The following DBX2 variants were observed in gnomAD, a reference collection of about 807,000 sequenced individuals.
DBX2 encodes the protein developing brain homeobox 2.
A neutral mutation model predicts 17.7 loss-of-function variants in DBX2; 16 were observed. That is an observed-to-expected ratio of 0.90 (90% CI 0.61 to 1.37). The LOEUF is 1.37. Ranked by LOEUF, DBX2 falls within the 40% of genes most tolerant of loss-of-function variation. The pLI, the probability that DBX2 is intolerant of heterozygous loss-of-function variation, is 0.00. For missense variants in DBX2, 538 were observed against 433.8 expected, an observed-to-expected ratio of 1.24 and a Z score of -2.13; for synonymous variants, 255 against 183.8, an observed-to-expected ratio of 1.39 and a Z score of -3.13.
chr12:45,036,080 T>C lies in DBX2; in HGVS notation c.438A>G (p.Pro146=). ...ACCCACCGCAGCACGCCGAGTAGAA[T>C]GGCGGGGTGCTCAGAAGGAAAGGTT... The part of the protein sequence containing the change: ...PSKPFLLSTP[P]FYSACCGGSC... The change falls in exon 2 of 4, where the codon CCA becomes CCG. Residue 146 remains proline (P), a synonymous_variant. Coordinates refer to ENST00000332700, the MANE Select transcript of DBX2 (RefSeq NM_001004329.3). 6.2e-7 allele frequency: 1 copy of C among 1,613,650 alleles called. No individual in the cohort carries two copies. Among genetic ancestry groups the C allele is most frequent in the Non-Finnish European group, 8.5e-7 (1 of 1,179,860 alleles).
At chr12:45,042,401 G>A (rs577657959) in intron 1 of DBX2, among the ~76,000 whole-genome samples, 1 of 152,250 alleles carries the variant, frequency 6.6e-6, no homozygotes, top group Admixed American at 6.5e-5. Flanking sequence ...GTACTTGGAA[G>A]GGCAAAAGAA....
At chr12:45,048,414 G>C (rs1341977284) in intron 1 of DBX2, among the ~76,000 whole-genome samples, 1 of 152,126 alleles carries the variant, frequency 6.6e-6, no homozygotes, top group African/African-American at 2.4e-5. Flanking sequence ...CGAAAACAAA[G>C]CTTCTCCAAC....
intron 3 of DBX2, among the ~76,000 whole-genome samples, chr12:45,022,449 G>A (rs988393059): frequency 2.0e-5 from 3 of 151,698 alleles, no homozygotes; most frequent in Non-Finnish European, 4.4e-5. Context: ...GACTACAGGC[G>A]CCAGCCACCT....
intron 3 of DBX2, among the ~76,000 whole-genome samples, chr12:45,021,797 T>G (rs1946353556): frequency 7.2e-6 from 1 of 138,626 alleles, no homozygotes; most frequent in Non-Finnish European, 1.6e-5. Context: ...GAAAGATAAG[T>G]AACTTTGAGA....
intron 3 of DBX2, among the ~76,000 whole-genome samples, chr12:45,022,081 T>G (rs1237965142): frequency 6.6e-6 from 1 of 152,136 alleles, no homozygotes; most frequent in Non-Finnish European, 1.5e-5. Flanking sequence ...CCTATATTTG[T>G]TTCTGTTTTA....
intron 1 of DBX2, 79 bp downstream of exon 1, chr12:45,050,446 C>G: frequency 6.7e-7 from 1 of 1,499,946 alleles, no homozygotes; most frequent in Non-Finnish European, 8.9e-7. Context: ...CAGTGCGCAC[C>G]GCCGGCGCTC....
At chr12:45,035,451 A>G (rs1946434877) in intron 2 of DBX2, among the ~76,000 whole-genome samples, 1 of 151,916 alleles carries the variant, frequency 6.6e-6, no homozygotes, top group Non-Finnish European at 1.5e-5. Flanking sequence ...TGTCATTCTC[A>G]CTCCACCCCC....
At position 45,050,680 on chromosome 12, in the gene DBX2, A is replaced by G; in HGVS notation, c.248T>C (p.Leu83Pro). ...LRPLPASPVP[L>P]KLCPAAEQVS... ...TTGTTCGGCTGCGGGGCACAGCTTTAGGGGAACTGGGCTAGCAGGCAGGGG... is the reference window on the plus strand; with the variant it reads ...TTGTTCGGCTGCGGGGCACAGCTTTGGGGGAACTGGGCTAGCAGGCAGGGG... The change falls in exon 1 of 4, where the codon CTA becomes CCA. Residue 83 changes from leucine (L) to proline (P), a missense_variant. By Grantham distance (98) the Leu-to-Pro change is moderately conservative. Transcript: ENST00000332700. The G allele has an allele frequency of 6.5e-7, 1 of 1,545,076 alleles. No individual in the cohort carries two copies. The highest frequency in any genetic ancestry group is 8.7e-7 in the Non-Finnish European group (1 of 1,145,066).
intron 1 of DBX2, among the ~76,000 whole-genome samples, chr12:45,046,635 T>G (rs1261309168): frequency 6.6e-6 from 1 of 152,216 alleles, no homozygotes; most frequent in African/African-American, 2.4e-5. Flanking sequence ...GAGGCCATTT[T>G]ATTTCACACT....
At position 45,027,013 on chromosome 12, in the gene DBX2, G is replaced by A. The variant is rs1292260744; in HGVS notation, c.500-3119C>T. 3.9e-5 allele frequency among the ~76,000 whole-genome samples: 6 copies of A among 152,078 alleles called. No homozygotes were observed. In the South Asian group the frequency reaches 1.0e-3, roughly 26 times the overall value. On this transcript the variant is annotated intron_variant, in intron 2 of 3. Coordinates refer to ENST00000332700, the MANE Select transcript of DBX2 (RefSeq NM_001004329.3). Reference sequence around the variant, plus strand: ...GATTTAAGCAGTTTTATGAAATATTGGTCAATAATAAAAATATTCTGAATA... The same window carrying A: ...GATTTAAGCAGTTTTATGAAATATTAGTCAATAATAAAAATATTCTGAATA...
At chr12:45,039,277 G>GTATATATACATATA (rs1946457045) in intron 1 of DBX2, among the ~76,000 whole-genome samples, 6 of 90,300 alleles carry the variant, frequency 6.6e-5, no homozygotes, top group South Asian at 4.3e-4. Context: ...TGCATTGAAG[G>GTATATATACATATA]TATATATATA....
At chr12:45,031,221 T>TGAGAGAGA (rs775544316) in intron 2 of DBX2, among the ~76,000 whole-genome samples, 18 of 64,092 alleles carry the variant, frequency 2.8e-4, no homozygotes, top group Non-Finnish European at 5.1e-4. Flanking sequence ...TGTGTGTGTG[T>TGAGAGAGA]GTGTGAGAGA....
intron 2 of DBX2, among the ~76,000 whole-genome samples, chr12:45,029,790 G>C (rs908303396): frequency 1.3e-5 from 2 of 151,690 alleles, no homozygotes; most frequent in African/African-American, 4.8e-5. Flanking sequence ...CTTGAACCTG[G>C]GAGGCACAGG....
chr12:45,044,011 A>C (rs1156832645), intron 1 of DBX2, among the ~76,000 whole-genome samples: 3 of 152,252 alleles, frequency 2.0e-5, no homozygotes, highest in African/African-American at 7.2e-5. Context: ...AAATACAGGA[A>C]TGCTCAGAGA....
At position 45,015,460 on chromosome 12, in the gene DBX2, A is replaced by G. The variant is rs1408744334; in HGVS notation, c.*826T>C. On this transcript the variant is annotated 3_prime_UTR_variant, in exon 4 of 4. Transcript: ENST00000332700. ...ATTTGAAAAATTACTTGACTCAAAT[A>G]TCTCTGGGTGGGCCATACCCTCTAT... The G allele has an allele frequency of 6.6e-6, 1 of 152,216 alleles. No homozygotes were observed. The highest frequency in any genetic ancestry group is 2.4e-5 in the African/African-American group (1 of 41,458). 9.4% of individuals were successfully genotyped at this position (152,216 alleles called of 1,614,324 possible).
rs1488902289 is a variant in DBX2, at chr12:45,039,319, ATATG to A, written c.404-3209_404-3206del. Reference sequence around the variant, plus strand: ...TATATATATATATATATATATATATATATGTATCACACTTTTAACTTTAGTGAAC... The same window carrying A: ...TATATATATATATATATATATATATATATCACACTTTTAACTTTAGTGAAC... On this transcript the variant is annotated intron_variant, in intron 1 of 3. Coordinates refer to ENST00000332700, the MANE Select transcript of DBX2 (RefSeq NM_001004329.3). Among the ~76,000 whole-genome samples the A allele has an allele frequency of 2.7e-3, 298 of 109,346 alleles. 1 individual carries two copies. The highest frequency in any genetic ancestry group is 8.2e-3 in the East Asian group (35 of 4,284). The allele number at this position is 109,346 out of a possible 152,430, so 71.7% of individuals were successfully genotyped here.
chr12:45,019,089 A>C (rs1946337930), intron 3 of DBX2, among the ~76,000 whole-genome samples: 1 of 152,084 alleles, frequency 6.6e-6, no homozygotes, highest in African/African-American at 2.4e-5. Context: ...CAACAGTGTC[A>C]GTGTACTTAA....
rs1946378758 is a variant in DBX2 at position 45,025,893 on chromosome 12, T to C, written c.500-1999A>G. 4.6e-5 allele frequency among the ~76,000 whole-genome samples: 7 copies of C among 151,050 alleles called. No individual in the cohort carries two copies. In the South Asian group the frequency reaches 1.3e-3, roughly 27 times the overall value. On this transcript the variant is annotated intron_variant, in intron 2 of 3. Coordinates refer to ENST00000332700, the MANE Select transcript of DBX2 (RefSeq NM_001004329.3). ...AAGAACCAAAGCCAATTCAAACAGT[T>C]ACTAGTATGTCTGAAAGCCCAAGGA...
At position 45,016,357 on chromosome 12, in the gene DBX2, G is replaced by A. The variant is rs1592748985; in HGVS notation, c.949C>T (p.Leu317=). ...GAACATAAATATAAGGCACCTTGCA[G>A]TGAATTTGCTTCTGGGGGTGGTGCC... ...SGAPPPEANS[L]QGALYLCSEE... Residue 317 remains leucine, a synonymous_variant, in exon 4 of 4, where the codon CTG becomes TTG. Transcript: ENST00000332700. The A allele has an allele frequency of 3.7e-6, 6 of 1,612,700 alleles. No homozygotes were observed. In the East Asian group the frequency reaches 1.3e-4, roughly 36 times the overall value.
Sources: gnomAD v4.1 joint callset for allele counts (sites outside exome capture counted in the v4.1 genomes callset) on GRCh38, gnomAD v4.1.1 for gene constraint, MANE v1.5 for transcripts, NCBI Gene and HGNC (gene_info 2026-07-23, HGNC 2026-07-21) for gene names.